CNTN6: variants seen among roughly 807,000 people sequenced by gnomAD.
CNTN6 encodes contactin 6.
In CNTN6, 137 loss-of-function variants were observed where a neutral mutation model predicts 122.8. The observed-to-expected ratio is 1.12, with a 90% CI of 0.97 to 1.29. CNTN6 has a LOEUF of 1.29. CNTN6 is among the 50% of genes most tolerant of loss of function. The probability of loss-of-function intolerance (pLI) is 0.00; values close to 1 mark genes in which losing one functional copy is unlikely to be tolerated. For synonymous variants in CNTN6, 570 were observed against 426.0 expected (o/e 1.34, Z -4.16); for missense variants, 1,634 against 1,223.4 (o/e 1.34, Z -5.01).
intron 2 of CNTN6, among the ~76,000 whole-genome samples, chr3:1,174,757 A>C (rs1161310036): frequency 6.6e-6 from 1 of 152,204 alleles, no homozygotes; most frequent in African/African-American, 2.4e-5. Flanking sequence ...AACCCAATGA[A>C]TAATAATGCT....
At chr3:1,156,216 A>G (rs1023706301) in intron 2 of CNTN6, among the ~76,000 whole-genome samples, 3 of 152,202 alleles carry the variant, frequency 2.0e-5, no homozygotes, top group Admixed American at 6.5e-5. Context: ...TCCATTTATT[A>G]AAGGCAAATC....
intron 4 of CNTN6, among the ~76,000 whole-genome samples, chr3:1,273,123 T>C (rs1316921492): frequency 6.6e-6 from 1 of 152,164 alleles, no homozygotes; most frequent in Non-Finnish European, 1.5e-5. Context: ...CCACAGGACA[T>C]GATAAGCCAT....
chr3:1,218,261 G>A (rs910488741), intron 2 of CNTN6, among the ~76,000 whole-genome samples: 1 of 152,112 alleles, frequency 6.6e-6, no homozygotes, highest in Non-Finnish European at 1.5e-5. Context: ...GGGTGTTGAA[G>A]GCAGAAGCCT....
intron 2 of CNTN6, among the ~76,000 whole-genome samples, chr3:1,171,393 A>C (rs1160960011): frequency 6.6e-6 from 1 of 152,226 alleles, no homozygotes; most frequent in Non-Finnish European, 1.5e-5. Flanking sequence ...CCTATTTGTA[A>C]ACCAGAATTT....
At chr3:1,221,703 T>C (rs1401300639) in intron 3 of CNTN6, among the ~76,000 whole-genome samples, 1 of 152,210 alleles carries the variant, frequency 6.6e-6, no homozygotes. Context: ...TTTAAAAATA[T>C]ATGCATACGT....
rs185684053 is a variant in CNTN6 at position 1,362,813 on chromosome 3, G to T, written c.1493-9486G>T. 2.6e-3 allele frequency among the ~76,000 whole-genome samples: 392 copies of T among 151,774 alleles called. 1 individual carries two copies. The highest frequency in any genetic ancestry group is 8.7e-3 in the African/African-American group (361 of 41,458). ...ATAAGTATCCAATTCAAGAAATTAT[G>T]TGAGTCCCAATTCAGACAAATGCAA... On this transcript the variant is annotated intron_variant, in intron 12 of 22. Transcript: ENST00000446702.
chr3:1,106,536 ACAC>A (rs2091231881), intron 1 of CNTN6, among the ~76,000 whole-genome samples: 1 of 152,024 alleles, frequency 6.6e-6, no homozygotes, highest in African/African-American at 2.4e-5. Context: ...ACACACACAC[ACAC>A]ACACGCACAA....
chr3:1,383,249 G>T (rs1323068024), intron 18 of CNTN6, 44 bp from the exon 19 acceptor site: 2 of 1,597,920 alleles, frequency 1.3e-6, no homozygotes, highest in South Asian at 1.1e-5. Context: ...CATTTTCAAT[G>T]AACCACTCTG....
rs560747830 is a variant in CNTN6, at chr3:1,381,188, A to G, written c.2167-1754A>G. On this transcript the variant is annotated intron_variant, in intron 17 of 22. Transcript: ENST00000446702. ...GCATCGTGATTAAATCCGAGATGAA[A>G]GAAACTTCAGAAATGAATCAAATGC... is the stretch of plus-strand genomic sequence containing the variant. Among the ~76,000 whole-genome samples the G allele has an allele frequency of 2.6e-5, 4 of 152,336 alleles. No homozygotes were observed. The South Asian group carries it at 8.3e-4, about 32-fold the overall frequency.
intron 4 of CNTN6, among the ~76,000 whole-genome samples, chr3:1,254,726 T>G (rs1367646156): frequency 6.6e-6 from 1 of 152,110 alleles, no homozygotes; most frequent in East Asian, 1.9e-4. Flanking sequence ...TATTGGAGGC[T>G]CAAGAAAGCA....
At chr3:1,387,045 C>CATCA (rs1246220530) in intron 20 of CNTN6, among the ~76,000 whole-genome samples, 1 of 152,144 alleles carries the variant, frequency 6.6e-6, no homozygotes, top group Non-Finnish European at 1.5e-5. Context: ...ATTCTGGGTA[C>CATCA]ATCATTGACT....
chr3:1,297,699 G>A (rs1696504125), intron 6 of CNTN6, among the ~76,000 whole-genome samples, 190 bp from the exon 7 acceptor site: 1 of 148,626 alleles, frequency 6.7e-6, no homozygotes, highest in East Asian at 2.0e-4. Flanking sequence ...GTAGATAAAT[G>A]TGGATGTCAC....
chr3:1,397,507 T>C (rs1695134087), intron 20 of CNTN6, among the ~76,000 whole-genome samples: 1 of 152,074 alleles, frequency 6.6e-6, no homozygotes, highest in South Asian at 2.1e-4. Context: ...GTGGAAATGA[T>C]GGATTTCCAA....
At chr3:1,220,924 G>A (rs891866263) in intron 3 of CNTN6, 111 bp downstream of exon 3, 33 of 1,174,066 alleles carry the variant, frequency 2.8e-5, no homozygotes, top group Non-Finnish European at 3.3e-5. Flanking sequence ...TACAGCTCAA[G>A]GAATTTCTCT....
intron 2 of CNTN6, among the ~76,000 whole-genome samples, chr3:1,157,742 G>C (rs1418212474): frequency 2.0e-5 from 3 of 151,796 alleles, no homozygotes; most frequent in Non-Finnish European, 2.9e-5. Context: ...ATAAGTAAGT[G>C]AGAACATGTG....
intron 3 of CNTN6, among the ~76,000 whole-genome samples, chr3:1,226,929 C>G (rs957971749): frequency 1.5e-4 from 23 of 152,018 alleles, no homozygotes; most frequent in Non-Finnish European, 1.5e-5. Flanking sequence ...ACAGCCTGTG[C>G]CCTAGGAATG....
At chr3:1,276,350 A>G (rs953365985) in intron 4 of CNTN6, among the ~76,000 whole-genome samples, 7 of 152,232 alleles carry the variant, frequency 4.6e-5, no homozygotes, top group Admixed American at 6.5e-5. Context: ...CAAACCATTT[A>G]GATTTGACGT....
intron 2 of CNTN6, among the ~76,000 whole-genome samples, chr3:1,188,444 A>T (rs902255039): frequency 2.0e-5 from 3 of 152,204 alleles, no homozygotes; most frequent in Non-Finnish European, 4.4e-5. Flanking sequence ...ATGCAATTAT[A>T]TTTTTTAAAA....
At chr3:1,269,749 G>A (rs2094990855) in intron 4 of CNTN6, among the ~76,000 whole-genome samples, 1 of 152,020 alleles carries the variant, frequency 6.6e-6, no homozygotes, top group East Asian at 1.9e-4. Flanking sequence ...GGCTGTTAGG[G>A]AAAAACATGC....
Sources: gnomAD v4.1 joint callset for allele counts (sites outside exome capture counted in the v4.1 genomes callset) on GRCh38, gnomAD v4.1.1 for gene constraint, MANE v1.5 for transcripts, NCBI Gene and HGNC (gene_info 2026-07-23, HGNC 2026-07-21) for gene names.